Variants in SORCS2 observed in about 807,000 individuals in gnomAD.
SORCS2 encodes sortilin related VPS10 domain containing receptor 2.
SORCS2 carries 100 observed loss-of-function variants against 141.6 expected under a neutral mutation model. That is an observed-to-expected ratio of 0.71 (90% confidence interval 0.60 to 0.83). SORCS2 has a LOEUF of 0.83. Among genes scored for constraint, SORCS2 ranks in the 40% least tolerant of loss-of-function variants. The pLI, the probability that SORCS2 is intolerant of heterozygous loss-of-function variation, is 0.00. For missense variants in SORCS2, 1,646 were observed against 1,560.2 expected, an observed-to-expected ratio of 1.05 and a Z score of -0.93; for synonymous variants, 789 against 676.9, an observed-to-expected ratio of 1.17 and a Z score of -2.57.
rs529908979 is a variant in SORCS2 at position 7,258,393 on chromosome 4, G to A, written c.480+65267G>A. Among the ~76,000 whole-genome samples the A allele has an allele frequency of 2.4e-4, 36 of 152,252 alleles. 1 individual carries two copies. The South Asian group carries it at 5.6e-3, about 24-fold the overall frequency. On this transcript the variant is annotated intron_variant, in intron 1 of 26. Transcript: ENST00000507866. ...CTCCCATTTATGAGTGAGAACATGC[G>A]GTGTTTGGTTTTCTGATCTTGTGAT...
intron 2 of SORCS2, among the ~76,000 whole-genome samples, chr4:7,428,613 G>A (rs149337368): frequency 4.6e-5 from 7 of 152,284 alleles, no homozygotes; most frequent in African/African-American, 7.2e-5. Context: ...GGCCTGAACC[G>A]CAGGAGGGAC....
chr4:7,429,860 A>G lies in SORCS2; in HGVS notation c.548+33505A>G, dbSNP rs573829822. Among the ~76,000 whole-genome samples the G allele has an allele frequency of 2.3e-4, 35 of 152,284 alleles. No homozygotes were observed. The South Asian group carries it at 7.3e-3, about 32-fold the overall frequency. On this transcript the variant is annotated intron_variant, in intron 2 of 26. Transcript: ENST00000507866. ...GTTATTTAACCTCTCTGGTTTCAGC[A>G]TCCACCTCTGGGGAATAGAATAAGA...
At chr4:7,590,511 G>A (rs1012087195) in intron 3 of SORCS2, among the ~76,000 whole-genome samples, 13 of 152,230 alleles carry the variant, frequency 8.5e-5, no homozygotes, top group Non-Finnish European at 4.4e-5. Context: ...CCCCTCGGGA[G>A]CCGGGCTGGG....
intron 2 of SORCS2, among the ~76,000 whole-genome samples, chr4:7,525,601 G>C (rs1029736807): frequency 1.3e-5 from 2 of 151,868 alleles, no homozygotes; most frequent in African/African-American, 4.8e-5. Context: ...GCAGCCCCAA[G>C]TCATGCCAAC....
At chr4:7,322,912 C>A (rs897016081) in intron 1 of SORCS2, among the ~76,000 whole-genome samples, 4 of 152,206 alleles carry the variant, frequency 2.6e-5, no homozygotes, top group South Asian at 2.1e-4. Flanking sequence ...CTCCCCACCC[C>A]CATCCAGACT....
intron 1 of SORCS2, among the ~76,000 whole-genome samples, chr4:7,282,864 G>C (rs1029877947): frequency 6.6e-6 from 1 of 152,226 alleles, no homozygotes; most frequent in African/African-American, 2.4e-5. Flanking sequence ...TAAGATGCTT[G>C]TCTGTGCCAG....
intron 2 of SORCS2, among the ~76,000 whole-genome samples, chr4:7,415,134 C>A (rs1043076628): frequency 4.6e-5 from 7 of 152,186 alleles, no homozygotes; most frequent in Non-Finnish European, 8.8e-5. Flanking sequence ...TTGGGGCACG[C>A]CTTGGTAAGT....
At chr4:7,710,888 C>T (rs536870208) in intron 14 of SORCS2, among the ~76,000 whole-genome samples, 2 of 152,228 alleles carry the variant, frequency 1.3e-5, no homozygotes, top group Admixed American at 6.5e-5. Context: ...TTTCCCCACT[C>T]CTCTGAGAAA....
chr4:7,689,570 G>A lies in SORCS2; in HGVS notation c.1573G>A (p.Gly525Ser), dbSNP rs1159927111. Reference sequence around the variant, plus strand: ...CGTGCACACCAAGGACACCGCCCCAGGCCTCATCATGGGTGCAGGTAGGTG... The same window carrying A: ...CGTGCACACCAAGGACACCGCCCCAAGCCTCATCATGGGTGCAGGTAGGTG... ...GTVHTKDTAP[G>S]LIMGAGNLGS... The change falls in exon 11 of 27, where the codon GGC becomes AGC. Residue 525 changes from glycine (G) to serine (S), a missense_variant. By Grantham distance (56) the Gly-to-Ser change is moderately conservative. Coordinates refer to ENST00000507866, the MANE Select transcript of SORCS2 (RefSeq NM_020777.3). 6.3e-7 allele frequency: 1 copy of A among 1,599,270 alleles called. No individual in the cohort carries two copies.
chr4:7,735,200 C>T (rs574005814), intron 25 of SORCS2, among the ~76,000 whole-genome samples: 6 of 152,332 alleles, frequency 3.9e-5, no homozygotes, highest in African/African-American at 1.4e-4. Flanking sequence ...GGTTCAGCTC[C>T]GGGGGCCCCA....
intron 2 of SORCS2, chr4:7,433,914 C>G: frequency 6.2e-7 from 1 of 1,613,882 alleles, no homozygotes; most frequent in Non-Finnish European, 8.5e-7. Flanking sequence ...AGCACACGCG[C>G]TCCAGGGCAT....
chr4:7,240,943 T>G (rs1712650854), intron 1 of SORCS2, among the ~76,000 whole-genome samples: 2 of 152,200 alleles, frequency 1.3e-5, no homozygotes, highest in South Asian at 4.1e-4. Context: ...ATTATTATTA[T>G]TATTTTTTGA....
intron 3 of SORCS2, among the ~76,000 whole-genome samples, chr4:7,573,698 A>G (rs1029517305): frequency 5.3e-5 from 8 of 152,158 alleles, no homozygotes; most frequent in African/African-American, 1.9e-4. Context: ...GAATTAGGAC[A>G]AAAGGAGGGG....
intron 1 of SORCS2, among the ~76,000 whole-genome samples, chr4:7,375,861 A>T (rs907044969): frequency 6.7e-6 from 1 of 150,224 alleles, no homozygotes; most frequent in African/African-American, 2.5e-5. Flanking sequence ...GTCTCATTCA[A>T]GTCACTTTCC....
intron 3 of SORCS2, among the ~76,000 whole-genome samples, chr4:7,572,586 C>A (rs1715476181): frequency 6.6e-6 from 1 of 152,156 alleles, no homozygotes; most frequent in Non-Finnish European, 1.5e-5. Flanking sequence ...ATGCTCGTGG[C>A]CTTCAAAGAT....
chr4:7,198,020 A>T lies in SORCS2; in HGVS notation c.480+4894A>T, dbSNP rs564963303. On this transcript the variant is annotated intron_variant, in intron 1 of 26. Transcript: ENST00000507866. ...GCCCACAGCAGGAGCTCAGAGAATG[A>T]TATCAAGAAACAGCCCTGGAGGCAC... is the stretch of plus-strand genomic sequence containing the variant. Among the ~76,000 whole-genome samples the T allele has an allele frequency of 7.2e-5, 11 of 152,312 alleles. No homozygotes were observed. In the East Asian group the frequency reaches 2.1e-3, roughly 29 times the overall value.
chr4:7,578,446 G>C (rs1050917998), intron 3 of SORCS2, among the ~76,000 whole-genome samples: 1 of 152,192 alleles, frequency 6.6e-6, no homozygotes, highest in Admixed American at 6.5e-5. Context: ...AGTTTTTCTG[G>C]TCACCTGCCA....
intron 8 of SORCS2, among the ~76,000 whole-genome samples, chr4:7,668,444 G>A (rs998818729): frequency 4.6e-5 from 7 of 152,160 alleles, no homozygotes; most frequent in Non-Finnish European, 8.8e-5. Flanking sequence ...GGGCAGAGCA[G>A]GCGCTAAGAC....
chr4:7,242,459 C>T (rs1232557394), intron 1 of SORCS2, among the ~76,000 whole-genome samples: 1 of 152,118 alleles, frequency 6.6e-6, no homozygotes, highest in African/African-American at 2.4e-5. Context: ...CCACCCCGGC[C>T]TCCCAAAGTG....
Sources: allele counts gnomAD v4.1 joint callset (sites outside exome capture counted in the v4.1 genomes callset), GRCh38; gene constraint gnomAD v4.1.1; transcripts MANE v1.5; gene names NCBI Gene and HGNC (gene_info 2026-07-23, HGNC 2026-07-21).